Variants in CACNG3 observed in about 807,000 individuals in gnomAD.
The protein encoded by CACNG3 is voltage-dependent calcium channel gamma-3 subunit.
In CACNG3, 3 loss-of-function variants were observed where a neutral mutation model predicts 28.5. The observed-to-expected ratio is 0.11, with a 90% CI of 0.05 to 0.27. CACNG3 has a LOEUF of 0.27. CACNG3 is among the 10% of genes least tolerant of loss of function. The pLI, the probability that CACNG3 is intolerant of heterozygous loss-of-function variation, is 1.00. For synonymous variants in CACNG3, 174 were observed against 162.2 expected (o/e 1.07, Z -0.55); for missense variants, 236 against 414.4 (o/e 0.57, Z 3.74).
At chr16:24,261,419 A>C (rs1353893190) in intron 1 of CACNG3, among the ~76,000 whole-genome samples, 1 of 152,218 alleles carries the variant, frequency 6.6e-6, no homozygotes, top group Non-Finnish European at 1.5e-5. Flanking sequence ...CAATATTCCA[A>C]GTAAAGAAAA....
chr16:24,327,567 C>T (rs1899573752), intron 1 of CACNG3, among the ~76,000 whole-genome samples: 1 of 149,542 alleles, frequency 6.7e-6, no homozygotes, highest in Admixed American at 6.7e-5. Flanking sequence ...ATGCAGTGAG[C>T]TATGATTGTA....
intron 3 of CACNG3, among the ~76,000 whole-genome samples, chr16:24,357,418 T>C (rs560668360): frequency 6.6e-6 from 1 of 152,164 alleles, no homozygotes; most frequent in East Asian, 1.9e-4. Context: ...TATCAGAGAC[T>C]GAACAGAGAA....
intron 2 of CACNG3, among the ~76,000 whole-genome samples, chr16:24,348,357 T>G (rs1034925566): frequency 6.6e-6 from 1 of 150,622 alleles, no homozygotes; most frequent in African/African-American, 2.5e-5. Flanking sequence ...GCCATTGCAG[T>G]GATCGTGCCA....
At chr16:24,332,823 C>T (rs779629594) in intron 1 of CACNG3, among the ~76,000 whole-genome samples, 29 of 152,304 alleles carry the variant, frequency 1.9e-4, no homozygotes, top group Non-Finnish European at 3.8e-4. Flanking sequence ...CCATTTAACA[C>T]TCTGCAATTC....
intron 1 of CACNG3, among the ~76,000 whole-genome samples, chr16:24,335,414 C>T (rs1338832562): frequency 1.3e-5 from 2 of 152,034 alleles, no homozygotes; most frequent in Admixed American, 6.6e-5. Flanking sequence ...AGCAAGACTC[C>T]ATCTCAAATA....
intron 1 of CACNG3, among the ~76,000 whole-genome samples, chr16:24,321,038 C>A (rs533790109): frequency 9.9e-5 from 15 of 152,234 alleles, no homozygotes; most frequent in Non-Finnish European, 2.2e-4. Flanking sequence ...TGGCCTAATT[C>A]ATAAGTTTTA....
chr16:24,320,912 G>A (rs1177851027), intron 1 of CACNG3, among the ~76,000 whole-genome samples: 1 of 151,178 alleles, frequency 6.6e-6, no homozygotes, highest in Non-Finnish European at 1.5e-5. Flanking sequence ...TTTTCATTTT[G>A]GGTAGAGAAA....
chr16:24,346,093 C>T (rs1444084376), intron 1 of CACNG3, among the ~76,000 whole-genome samples: 1 of 152,144 alleles, frequency 6.6e-6, no homozygotes, highest in Non-Finnish European at 1.5e-5. Context: ...TTTTCCTTCA[C>T]TGACTGGAGG....
intron 1 of CACNG3, among the ~76,000 whole-genome samples, chr16:24,318,626 C>T (rs1011470401): frequency 4.6e-5 from 7 of 152,144 alleles, no homozygotes; most frequent in East Asian, 1.9e-4. Flanking sequence ...CACCTCCCAG[C>T]GATAGTGGCT....
At chr16:24,280,827 A>AAAAAAAAAAAAC in intron 1 of CACNG3, among the ~76,000 whole-genome samples, 1 of 150,284 alleles carries the variant, frequency 6.7e-6, no homozygotes, top group Admixed American at 6.6e-5. Context: ...GTCTCAAAAA[A>AAAAAAAAAAAAC]AAAAAAAAAA....
intron 1 of CACNG3, among the ~76,000 whole-genome samples, chr16:24,305,979 T>A (rs1899180853): frequency 6.6e-6 from 1 of 152,098 alleles, no homozygotes; most frequent in Non-Finnish European, 1.5e-5. Flanking sequence ...GGCCTGTATA[T>A]ATGGTATATA....
chr16:24,312,921 A>AAAGAAAG, intron 1 of CACNG3, among the ~76,000 whole-genome samples: 4 of 31,420 alleles, frequency 1.3e-4, no homozygotes, highest in Admixed American at 4.0e-4. Flanking sequence ...GGAAGGAAGG[A>AAAGAAAG]AGAAAGAAAG....
chr16:24,346,730 A>G lies in CACNG3; in HGVS notation c.212-4A>G, dbSNP rs759233611. ...AGGCTCAGAACCCTTATCTGTTTCC[A>G]CAGGGGCTTTCCGAGGCGTGTGCAA... On this transcript the variant is annotated splice_region_variant and splice_polypyrimidine_tract_variant and intron_variant, in intron 1 of 3. Coordinates refer to ENST00000005284, the MANE Select transcript of CACNG3 (RefSeq NM_006539.4). 6.2e-7 allele frequency: 1 copy of G among 1,613,070 alleles called. No individual in the cohort carries two copies. The highest frequency in any genetic ancestry group is 8.5e-7 in the Non-Finnish European group (1 of 1,179,036).
intron 1 of CACNG3, among the ~76,000 whole-genome samples, chr16:24,278,633 T>A (rs1898782188): frequency 6.6e-6 from 1 of 151,948 alleles, no homozygotes; most frequent in Non-Finnish European, 1.5e-5. Flanking sequence ...AATAAATAAA[T>A]AAATAAATAA....
intron 1 of CACNG3, among the ~76,000 whole-genome samples, chr16:24,318,093 CT>C (rs1194581981): frequency 6.6e-6 from 1 of 152,230 alleles, no homozygotes; most frequent in African/African-American, 2.4e-5. Flanking sequence ...TTCTCCATCT[CT>C]CCCATATTCA....
chr16:24,358,320 G>A (rs886810194), intron 3 of CACNG3, among the ~76,000 whole-genome samples: 2 of 152,216 alleles, frequency 1.3e-5, no homozygotes, highest in African/African-American at 4.8e-5. Flanking sequence ...GTGACTTTGG[G>A]CAAGTCACTT....
At chr16:24,257,315 G>A (rs1331835626) in intron 1 of CACNG3, among the ~76,000 whole-genome samples, 11 of 139,486 alleles carry the variant, frequency 7.9e-5, no homozygotes, top group African/African-American at 2.7e-4. Flanking sequence ...ATTGGATTTC[G>A]AAGGGAGGGG....
chr16:24,258,796 G>A (rs1340862974), intron 1 of CACNG3, among the ~76,000 whole-genome samples: 1 of 152,182 alleles, frequency 6.6e-6, no homozygotes. Flanking sequence ...TGTATACAGT[G>A]CTTTAGCCAT....
intron 1 of CACNG3, among the ~76,000 whole-genome samples, chr16:24,322,929 CA>C (rs773543058): frequency 4.6e-5 from 7 of 152,006 alleles, no homozygotes; most frequent in Non-Finnish European, 1.0e-4. Flanking sequence ...TTTCGCCTTA[CA>C]AAAATGAGAT....
Sources: gnomAD v4.1 joint callset for allele counts (sites outside exome capture counted in the v4.1 genomes callset) on GRCh38, gnomAD v4.1.1 for gene constraint, MANE v1.5 for transcripts, NCBI Gene and HGNC (gene_info 2026-07-23, HGNC 2026-07-21) for gene names.